The following MAP2 variants were observed in gnomAD, a reference collection of about 807,000 sequenced individuals.
MAP2 encodes microtubule associated protein 2.
A neutral mutation model predicts 137.6 loss-of-function variants in MAP2; 14 were observed. That is an observed-to-expected ratio of 0.10 (90% CI 0.07 to 0.16). The LOEUF (loss-of-function observed/expected upper bound fraction) is 0.16, where lower values mean the gene tolerates loss of function less well. Among genes scored for constraint, MAP2 ranks in the 10% least tolerant of loss-of-function variants. The probability of loss-of-function intolerance (pLI) is 1.00; values close to 1 mark genes in which losing one functional copy is unlikely to be tolerated. For synonymous variants in MAP2, 786 were observed against 782.3 expected, an observed-to-expected ratio of 1.00 and a Z score of -0.08; for missense variants, 2,088 against 2,191.5, an observed-to-expected ratio of 0.95 and a Z score of 0.94.
intron 4 of MAP2, among the ~76,000 whole-genome samples, chr2:209,650,156 A>AT (rs1163088254): frequency 6.6e-6 from 1 of 152,138 alleles, no homozygotes; most frequent in East Asian, 1.9e-4. Context: ...GTGGGTGCTT[A>AT]TATTGTTGTA....
chr2:209,668,005 A>G (rs1435216115), intron 5 of MAP2, among the ~76,000 whole-genome samples: 1 of 152,056 alleles, frequency 6.6e-6, no homozygotes, highest in Non-Finnish European at 1.5e-5. Context: ...CTACCTAGAT[A>G]GCATCCTGTT....
chr2:209,484,689 C>T (rs1225747284), intron 1 of MAP2, among the ~76,000 whole-genome samples: 1 of 152,116 alleles, frequency 6.6e-6, no homozygotes, highest in Non-Finnish European at 1.5e-5. Context: ...GATTCCATCA[C>T]AAACAAACAA....
chr2:209,555,188 A>C (rs1434778714), intron 2 of MAP2, among the ~76,000 whole-genome samples: 4 of 151,842 alleles, frequency 2.6e-5, no homozygotes, highest in African/African-American at 4.8e-5. Flanking sequence ...TTTTTGGTTT[A>C]TTTGTTTGTT....
Position 209,653,276 on chromosome 2 carries a change from G to C in MAP2, c.106G>C (p.Gly36Arg), listed in dbSNP as rs749722277. Reference sequence around the variant, plus strand: ...TCCACCTGAGATTAAGGATCAAGGCGGAGCAGGGGAAGGACTTGTCCGAAG... The same window carrying C: ...TCCACCTGAGATTAAGGATCAAGGCCGAGCAGGGGAAGGACTTGTCCGAAG... ...SHPPEIKDQG[G>R]AGEGLVRSAN... The change falls in exon 5 of 16, where the codon GGA becomes CGA. Residue 36 changes from glycine to arginine, a missense_variant. This residue lies in a region of MAP2 where 859 missense variants were observed against 794.5 expected (regional missense o/e 1.08). Coordinates refer to ENST00000682079, the MANE Select transcript of MAP2 (RefSeq NM_001375505.1). The C allele has an allele frequency of 1.9e-6, 3 of 1,614,130 alleles. No homozygotes were observed. Among genetic ancestry groups the C allele is most frequent in the Non-Finnish European group, 2.5e-6 (3 of 1,180,004 alleles).
At chr2:209,529,969 C>T (rs1475776894) in intron 2 of MAP2, among the ~76,000 whole-genome samples, 3 of 124,652 alleles carry the variant, frequency 2.4e-5, no homozygotes, top group Non-Finnish European at 4.7e-5. Flanking sequence ...GCAGAGTTTT[C>T]CTTAGGTATA....
chr2:209,569,481 A>C (rs1183702229), intron 2 of MAP2, among the ~76,000 whole-genome samples: 1 of 151,880 alleles, frequency 6.6e-6, no homozygotes, highest in Admixed American at 6.6e-5. Context: ...ACAATAAAGG[A>C]TAAACATAAC....
intron 2 of MAP2, among the ~76,000 whole-genome samples, chr2:209,543,592 G>A (rs1387389141): frequency 6.6e-6 from 1 of 152,122 alleles, no homozygotes; most frequent in Non-Finnish European, 1.5e-5. Context: ...AGAATACAAC[G>A]CTTCCTTTTA....
intron 14 of MAP2, among the ~76,000 whole-genome samples, chr2:209,728,050 C>A (rs192575494): frequency 6.6e-6 from 1 of 152,282 alleles, no homozygotes; most frequent in South Asian, 2.1e-4. Flanking sequence ...GGGAGGATCA[C>A]CTGGGCCCAG....
chr2:209,510,862 T>C (rs2061641588), intron 2 of MAP2, among the ~76,000 whole-genome samples: 1 of 152,068 alleles, frequency 6.6e-6, no homozygotes, highest in South Asian at 2.1e-4. Context: ...TGATTTTCAT[T>C]CTTATAAAGA....
intron 6 of MAP2, among the ~76,000 whole-genome samples, 194 bp downstream of exon 6, chr2:209,678,879 T>C (rs1371660380): frequency 6.6e-6 from 1 of 152,128 alleles, no homozygotes; most frequent in East Asian, 1.9e-4. Context: ...GTTTGCATAG[T>C]CTTTCGTTAG....
At chr2:209,601,765 T>C (rs2083073874) in intron 3 of MAP2, among the ~76,000 whole-genome samples, 1 of 152,216 alleles carries the variant, frequency 6.6e-6, no homozygotes, top group Non-Finnish European at 1.5e-5. Context: ...TTCTGTGATA[T>C]GCGACATACA....
intron 2 of MAP2, among the ~76,000 whole-genome samples, chr2:209,553,859 G>A (rs1216121838): frequency 1.3e-5 from 2 of 152,160 alleles, no homozygotes; most frequent in Non-Finnish European, 2.9e-5. Flanking sequence ...CAAGGAGAGT[G>A]GGGAAAGATG....
intron 5 of MAP2, among the ~76,000 whole-genome samples, chr2:209,677,039 A>G (rs1260402391): frequency 6.6e-6 from 1 of 151,688 alleles, no homozygotes; most frequent in Non-Finnish European, 1.5e-5. Flanking sequence ...ATTTAAAAAA[A>G]CATCACTTTA....
rs138166607 is a variant in MAP2 at position 209,530,158 on chromosome 2, C to A, written c.-172+22517C>A. Among the ~76,000 whole-genome samples the A allele has an allele frequency of 3.9e-3, 598 of 152,126 alleles. 4 individuals are homozygous for A. The highest frequency in any genetic ancestry group is 5.6e-3 in the Non-Finnish European group (380 of 67,998). ...GTTTCCAAGATGGCTGCTTCTGCCC[C>A]CACTGTCTTATCACATATGCATCCC... On this transcript the variant is annotated intron_variant, in intron 2 of 15. Transcript: ENST00000682079.
chr2:209,465,440 A>G (rs77215819), intron 1 of MAP2, among the ~76,000 whole-genome samples: 1 of 41,094 alleles, frequency 2.4e-5, no homozygotes, highest in African/African-American at 4.5e-5. Flanking sequence ...TCTAGTTTCT[A>G]TCATTGTAAG....
chr2:209,590,835 C>T (rs1559366131), intron 3 of MAP2, among the ~76,000 whole-genome samples: 1 of 152,160 alleles, frequency 6.6e-6, no homozygotes, highest in Non-Finnish European at 1.5e-5. Flanking sequence ...GGCTTACTCT[C>T]CTCCTTGCCC....
intron 2 of MAP2, among the ~76,000 whole-genome samples, chr2:209,569,338 A>G (rs1004811157): frequency 1.3e-5 from 2 of 151,832 alleles, no homozygotes; most frequent in African/African-American, 4.8e-5. Flanking sequence ...TCATGCATGC[A>G]TGAATGAATA....
intron 10 of MAP2, among the ~76,000 whole-genome samples, chr2:209,697,350 C>T (rs537609866): frequency 2.0e-5 from 3 of 152,138 alleles, no homozygotes; most frequent in Admixed American, 1.3e-4. Context: ...TTTGGTTAGA[C>T]GATGGCGATG....
At chr2:209,664,286 G>T (rs1209260529) in intron 5 of MAP2, among the ~76,000 whole-genome samples, 2 of 151,928 alleles carry the variant, frequency 1.3e-5, no homozygotes, top group South Asian at 2.1e-4. Context: ...ATGGTGGCTT[G>T]CGCCTGTAAT....
Sources: gnomAD v4.1 joint callset for allele counts (sites outside exome capture counted in the v4.1 genomes callset) on GRCh38, gnomAD v4.1.1 for gene constraint, gnomAD v4.1.1 regional missense constraint, MANE v1.5 for transcripts, NCBI Gene and HGNC (gene_info 2026-07-23, HGNC 2026-07-21) for gene names.